SLC9A3: variants seen among roughly 807,000 people sequenced by gnomAD.
SLC9A3 encodes solute carrier family 9 member A3, also known as sodium/hydrogen exchanger 3.
Under a neutral mutation model 86.8 loss-of-function variants are expected in SLC9A3, and 37 were observed. That is an observed-to-expected ratio of 0.43 (90% CI 0.33 to 0.56). SLC9A3 has a LOEUF of 0.56. SLC9A3 is among the 20% of genes least tolerant of loss of function. SLC9A3 has a pLI of 0.06. For missense variants in SLC9A3, 1,011 were observed against 1,171.9 expected, an observed-to-expected ratio of 0.86 and a Z score of 2.00; for synonymous variants, 581 against 528.3, an observed-to-expected ratio of 1.10 and a Z score of -1.37.
chr5:498,183 G>A (rs1008101250), intron 1 of SLC9A3, among the ~76,000 whole-genome samples: 1 of 152,180 alleles, frequency 6.6e-6, no homozygotes, highest in Admixed American at 6.5e-5. Context: ...TCGGTCCGAC[G>A]CTGAGGGGTG....
chr5:476,117 C>T (rs1434415147), intron 13 of SLC9A3, 25 bp from the exon 14 acceptor site: 7 of 1,612,080 alleles, frequency 4.3e-6, no homozygotes, highest in Middle Eastern at 3.3e-4. Context: ...TGAAGCTGCT[C>T]ACACCCCGAC....
rs949655557 is a variant in SLC9A3, at chr5:488,599, G to T, written c.515-123C>A. ...CGTCTGGCTGGCGCCGGTGGCGTGG[G>T]GAGCTGGGTCAGCTTCCTGCGTCCC... On this transcript the variant is annotated intron_variant, in intron 2 of 16. Transcript: ENST00000264938. The T allele has an allele frequency of 2.0e-4, 204 of 1,008,888 alleles. 2 individuals carry two copies. The East Asian group carries it at 5.7e-3, about 28-fold the overall frequency. 62.5% of individuals were successfully genotyped at this position (1,008,888 alleles called of 1,614,324 possible).
chr5:488,218 G>A (rs1265138010), intron 3 of SLC9A3, 98 bp downstream of exon 3: 1 of 1,373,024 alleles, frequency 7.3e-7, no homozygotes, highest in East Asian at 2.4e-5. Context: ...TGAGGACAGG[G>A]TTTCACGCCC....
chr5:490,618 G>A (rs1271763260), intron 2 of SLC9A3, among the ~76,000 whole-genome samples: 2 of 152,330 alleles, frequency 1.3e-5, no homozygotes, highest in East Asian at 1.9e-4. Flanking sequence ...CAGCTGGGAG[G>A]AAGCTGGGAT....
rs916644305 is a variant in SLC9A3, at chr5:488,190, G to A, written c.675+126C>T. ...GAGGAAGGAGGTGGAGGGACGGGAC[G>A]CCCCCGGGAGGGGAGTTTGAGGACA... On this transcript the variant is annotated intron_variant, in intron 3 of 16. Transcript: ENST00000264938. 28 of 1,020,210 alleles carry A rather than the reference G, an allele frequency of 2.7e-5. No homozygotes were observed. In the Admixed American group the frequency reaches 4.0e-4, roughly 15 times the overall value. The allele number at this position is 1,020,210 out of a possible 1,614,324, so 63.2% of individuals were successfully genotyped here.
chr5:492,264 G>A lies in SLC9A3; in HGVS notation c.212-193C>T, dbSNP rs1368650014. Among the ~76,000 whole-genome samples the A allele has an allele frequency of 5.2e-5, 4 of 77,238 alleles. No individual in the cohort carries two copies. In the East Asian group the frequency reaches 1.3e-3, roughly 26 times the overall value. The allele number at this position is 77,238 out of a possible 152,430, so 50.7% of individuals were successfully genotyped here. ...GAGGAAGGTGTGGGGACTCACAGGG[G>A]AGGGGAGGGAGGTCGGGGTGGGACC... is the stretch of plus-strand genomic sequence containing the variant. On this transcript the variant is annotated intron_variant, in intron 1 of 16. Coordinates refer to ENST00000264938, the MANE Select transcript of SLC9A3 (RefSeq NM_004174.4).
chr5:499,816 G>T (rs951809266), intron 1 of SLC9A3, among the ~76,000 whole-genome samples: 4 of 152,250 alleles, frequency 2.6e-5, no homozygotes, highest in African/African-American at 9.6e-5. Context: ...CCGTAGATCA[G>T]CAGAAGGCCC....
At chr5:502,570 G>C (rs1373945201) in intron 1 of SLC9A3, among the ~76,000 whole-genome samples, 1 of 152,234 alleles carries the variant, frequency 6.6e-6, no homozygotes, top group East Asian at 1.9e-4. Flanking sequence ...GCTCAAATCA[G>C]AGGAGAACGC....
intron 2 of SLC9A3, among the ~76,000 whole-genome samples, chr5:490,400 G>A (rs1220934471): frequency 1.3e-5 from 2 of 152,086 alleles, no homozygotes; most frequent in African/African-American, 4.8e-5. Flanking sequence ...GGGCTTCATG[G>A]TGCAGGTGCA....
Position 472,780 on chromosome 5 carries a change from G to C in SLC9A3, c.*599C>G, listed in dbSNP as rs763550775. The C allele has an allele frequency of 2.9e-5, 17 of 583,312 alleles. No homozygotes were observed. Among genetic ancestry groups the C allele is most frequent in the Middle Eastern group, 2.8e-4 (1 of 3,566 alleles). The allele number at this position is 583,312 out of a possible 1,614,324, so 36.1% of individuals were successfully genotyped here. Reference sequence around the variant, plus strand: ...GCTGCAGGTCGGGCCCTGAGTCCTGGCGCTCGGGAGGTCCCTGAGTCGGTC... The same window carrying C: ...GCTGCAGGTCGGGCCCTGAGTCCTGCCGCTCGGGAGGTCCCTGAGTCGGTC... On this transcript the variant is annotated 3_prime_UTR_variant, in exon 17 of 17. Coordinates refer to ENST00000264938, the MANE Select transcript of SLC9A3 (RefSeq NM_004174.4).
rs560407200 is a variant in SLC9A3 at position 496,465 on chromosome 5, G to A, written c.212-4394C>T. Among the ~76,000 whole-genome samples, 10 of 152,328 alleles carry A rather than the reference G, an allele frequency of 6.6e-5. No homozygotes were observed. Among genetic ancestry groups the A allele is most frequent in the Non-Finnish European group, 1.3e-4 (9 of 68,028 alleles). ...GAAAGTGTCGGCTTGCTCCCCTGCC[G>A]GGCACTGATCCTTTCCTATTGACAC... On this transcript the variant is annotated intron_variant, in intron 1 of 16. Transcript: ENST00000264938. This position sits in a 1 kb window ranked among gnomAD's most constrained non-coding sequence, Gnocchi z 4.7.
At position 471,683 on chromosome 5, in the gene SLC9A3, T is replaced by C; in HGVS notation, c.*1696A>G. On this transcript the variant is annotated 3_prime_UTR_variant, in exon 17 of 17. Coordinates refer to ENST00000264938, the MANE Select transcript of SLC9A3 (RefSeq NM_004174.4). ...ATTTTGTGCTCAGAGTTGGTTGAAA[T>C]GGCTACGAAGTGTGGAGAATAACCA... 2.3e-6 allele frequency: 1 copy of C among 431,178 alleles called. No individual in the cohort carries two copies. Among genetic ancestry groups the C allele is most frequent in the South Asian group, 1.6e-5 (1 of 61,250 alleles). The allele number at this position is 431,178 out of a possible 1,614,324, so 26.7% of individuals were successfully genotyped here.
intron 1 of SLC9A3, among the ~76,000 whole-genome samples, chr5:498,932 G>T (rs1476845134): frequency 1.3e-5 from 2 of 152,210 alleles, no homozygotes; most frequent in African/African-American, 4.8e-5. Context: ...CCCAGCCAGG[G>T]TGGGGGGTCT....
At chr5:508,974 G>A (rs1305844946) in intron 1 of SLC9A3, among the ~76,000 whole-genome samples, 1 of 151,920 alleles carries the variant, frequency 6.6e-6, no homozygotes, top group Admixed American at 6.6e-5. Flanking sequence ...AGGCATGGTG[G>A]TGCTTTGCCT....
chr5:476,977 T>C, intron 11 of SLC9A3: 1 of 523,050 alleles, frequency 1.9e-6, no homozygotes. Flanking sequence ...TCTGCACATC[T>C]GGCAGAGTGG....
At position 524,260 on chromosome 5, in the gene SLC9A3, C is replaced by A. The variant is rs1477354578; in HGVS notation, c.63G>T (p.Gly21=). The part of the protein sequence containing the change: ...RGLLLALALG[G]LARAGGVEVE... ...CCTCGACGCCCCCGGCCCGCGCCAG[C>A]CCGCCCAGCGCCAGCGCCAGCAGCA... Residue 21 remains glycine, a synonymous_variant, in exon 1 of 17, where the codon GGG becomes GGT. Transcript: ENST00000264938. The A allele has an allele frequency of 2.1e-6, 3 of 1,410,878 alleles. No homozygotes were observed. The highest frequency in any genetic ancestry group is 2.8e-6 in the Non-Finnish European group (3 of 1,078,538). 87.4% of individuals were successfully genotyped at this position (1,410,878 alleles called of 1,614,324 possible).
chr5:507,015 G>A (rs947247345), intron 1 of SLC9A3, among the ~76,000 whole-genome samples: 7 of 150,486 alleles, frequency 4.7e-5, no homozygotes, highest in Non-Finnish European at 7.4e-5. Flanking sequence ...AGATTGTGGT[G>A]AGCCGAGATC....
chr5:498,060 C>T (rs955895888), intron 1 of SLC9A3, among the ~76,000 whole-genome samples: 6 of 152,206 alleles, frequency 3.9e-5, no homozygotes, highest in Non-Finnish European at 5.9e-5. Context: ...TGCCTCTGGT[C>T]GCTCTATCTT....
At chr5:480,933 A>C (rs1739125907) in intron 9 of SLC9A3, 1 of 152,358 alleles carries the variant, frequency 6.6e-6, no homozygotes, top group African/African-American at 2.4e-5. Context: ...CTCTGTCACC[A>C]GGCTGGAATG....
Sources: allele counts gnomAD v4.1 joint callset (sites outside exome capture counted in the v4.1 genomes callset), GRCh38; gene constraint gnomAD v4.1.1; non-coding constraint Gnocchi (gnomAD v3.1); transcripts MANE v1.5; gene names NCBI Gene and HGNC (gene_info 2026-07-23, HGNC 2026-07-21).